Variants in SLC25A35 observed in about 807,000 individuals in gnomAD.
SLC25A35 encodes the protein solute carrier family 25 member 35.
A neutral mutation model predicts 30.5 loss-of-function variants in SLC25A35; 32 were observed. The ratio of observed to expected loss-of-function variants is 1.05; its 90% CI spans 0.79 to 1.41. The LOEUF (loss-of-function observed/expected upper bound fraction) is 1.41, where lower values mean the gene tolerates loss of function less well. SLC25A35 is among the 40% of genes most tolerant of loss of function. The pLI is 0.00. For synonymous variants in SLC25A35, 142 were observed against 158.1 expected, an observed-to-expected ratio of 0.90 and a Z score of 0.77; for missense variants, 369 against 388.0, an observed-to-expected ratio of 0.95 and a Z score of 0.41.
rs1212699776 is a variant in SLC25A35 at position 8,294,636 on chromosome 17, C to T, written c.172G>A (p.Gly58Ser). 5.6e-6 allele frequency: 9 copies of T among 1,614,072 alleles called. No homozygotes were observed. Among genetic ancestry groups the T allele is most frequent in the Non-Finnish European group, 7.6e-6 (9 of 1,180,046 alleles). ...AGGCCTTTCTGCAGGGCAGCAAGGCCATCCACCTTGCCGATGGTGATGAAG... is the reference window on the plus strand; with the variant it reads ...AGGCCTTTCTGCAGGGCAGCAAGGCTATCCACCTTGCCGATGGTGATGAAG... The part of the protein sequence containing the change: ...HAFITIGKVD[G>S]LAALQKGLAP... The change falls in exon 1 of 5, where the codon GGC becomes AGC. Residue 58 changes from glycine (G) to serine (S), a missense_variant. By Grantham distance (56) the Gly-to-Ser change is moderately conservative. Coordinates refer to ENST00000577745, the MANE Select transcript of SLC25A35 (RefSeq NM_001320870.2).
chr17:8,288,787 C>A (rs141507740), downstream of SLC25A35: 4 of 1,614,058 alleles, frequency 2.5e-6, no homozygotes, highest in Middle Eastern at 1.6e-4. Flanking sequence ...AGCCTCAGAC[C>A]CATGGAGCCC....
At chr17:8,289,352 G>T, downstream of SLC25A35, 1 of 1,614,130 alleles carries the variant, frequency 6.2e-7, no homozygotes, top group Non-Finnish European at 8.5e-7. Context: ...GGCCCTGAGG[G>T]GCCGCTGTCA....
chr17:8,288,556 A>C (rs536862528), downstream of SLC25A35: 118 of 603,910 alleles, frequency 2.0e-4, no homozygotes, highest in African/African-American at 2.1e-3. Context: ...CCGTCCCGCC[A>C]GGCGCACTCC....
chr17:8,289,841 G>A (rs552055941), downstream of SLC25A35: 75 of 1,614,068 alleles, frequency 4.6e-5, 1 homozygote, highest in South Asian at 6.3e-4. Context: ...TCTTGGCCCC[G>A]AAAATCTGTC....
At chr17:8,288,972 C>A, downstream of SLC25A35, 1 of 1,614,140 alleles carries the variant, frequency 6.2e-7, no homozygotes, top group African/African-American at 1.3e-5. Flanking sequence ...CCGACCGGTC[C>A]CGGACAATCA....
chr17:8,289,412 C>T (rs1463109860), downstream of SLC25A35: 3 of 1,613,898 alleles, frequency 1.9e-6, no homozygotes, highest in Non-Finnish European at 2.5e-6. Flanking sequence ...GGAAAACCAG[C>T]AGGTGAGGGC....
At chr17:8,292,291 G>A (rs1034728666) in intron 2 of SLC25A35, among the ~76,000 whole-genome samples, 2 of 152,200 alleles carry the variant, frequency 1.3e-5, no homozygotes, top group Non-Finnish European at 2.9e-5. Context: ...CCCGGGAAGC[G>A]GAGGTTGCAG....
At chr17:8,289,838 C>T (rs763547107), downstream of SLC25A35, 10 of 1,614,096 alleles carry the variant, frequency 6.2e-6, no homozygotes, top group South Asian at 5.5e-5. Flanking sequence ...ATCTCTTGGC[C>T]CCGAAAATCT....
At chr17:8,293,455 C>G (rs181693542) in intron 1 of SLC25A35, among the ~76,000 whole-genome samples, 1 of 152,174 alleles carries the variant, frequency 6.6e-6, no homozygotes, top group Non-Finnish European at 1.5e-5. Context: ...TTGTCTCCCT[C>G]GATCCTCCCA....
At chr17:8,288,503 G>A (rs1485827630), downstream of SLC25A35, 3 of 517,950 alleles carry the variant, frequency 5.8e-6, no homozygotes, top group Non-Finnish European at 1.1e-5. Context: ...CACCGGGGGC[G>A]ACATAGACCC....
At chr17:8,292,676 A>AG in intron 1 of SLC25A35, 88 bp from the exon 2 acceptor site, 1 of 1,137,178 alleles carries the variant, frequency 8.8e-7, no homozygotes, top group Non-Finnish European at 1.3e-6. Context: ...CACTTCCTCT[A>AG]GGGTGTTCAG....
At position 8,292,595 on chromosome 17, in the gene SLC25A35, A is replaced by G. The variant is rs1181604424; in HGVS notation, c.376-7T>C. ...CCTGCAGGTGTGTCTTCACCTGGGA[A>G]CAAGAGAATATCATAGCCTGTGCCC... On this transcript the variant is annotated splice_region_variant and splice_polypyrimidine_tract_variant and intron_variant, in intron 1 of 4. Coordinates refer to ENST00000577745, the MANE Select transcript of SLC25A35 (RefSeq NM_001320870.2). 6.2e-7 allele frequency: 1 copy of G among 1,613,940 alleles called. No individual in the cohort carries two copies. The highest frequency in any genetic ancestry group is 8.5e-7 in the Non-Finnish European group (1 of 1,179,868).
Position 8,290,865 on chromosome 17 carries a change from G to T in SLC25A35, c.706C>A (p.Gln236Lys). The T allele has an allele frequency of 6.2e-7, 1 of 1,614,048 alleles. No individual in the cohort carries two copies. Among genetic ancestry groups the T allele is most frequent in the South Asian group, 1.1e-5 (1 of 91,086 alleles). ...ACCTTGCCCTGTGCATCTGTGGGCTGGTTGTAGAGCCTTGTGCAGGCCACA... is the reference window on the plus strand; with the variant it reads ...ACCTTGCCCTGTGCATCTGTGGGCTTGTTGTAGAGCCTTGTGCAGGCCACA... Reference protein sequence around the residue: ...FDVACTRLYNQPTDAQGKGLM... With the variant: ...FDVACTRLYNKPTDAQGKGLM... The change falls in exon 4 of 5, where the codon CAG (glutamine) becomes AAG (lysine). Residue 236 changes from glutamine (Q) to lysine (K), a missense_variant. By Grantham distance (53) the Gln-to-Lys change is moderately conservative. Transcript: ENST00000577745.
downstream of SLC25A35, chr17:8,289,141 G>A (rs1027901416): frequency 3.7e-6 from 6 of 1,602,504 alleles, no homozygotes; most frequent in African/African-American, 4.0e-5. Context: ...GCCCGCGGCC[G>A]ACGGTTAATC....
Position 8,290,987 on chromosome 17 carries a change from A to T in SLC25A35, c.595-11T>A. On this transcript the variant is annotated splice_polypyrimidine_tract_variant and intron_variant, in intron 3 of 4. Coordinates refer to ENST00000577745, the MANE Select transcript of SLC25A35 (RefSeq NM_001320870.2). The stretch of plus-strand genomic sequence containing the variant: ...CTGGGGAGGAAAGATCTAAGGGGGT[A>T]GAGAGGAAGAGCGTTGTCAACCAGC... 6.2e-7 allele frequency: 1 copy of T among 1,613,912 alleles called. No individual in the cohort carries two copies. Among genetic ancestry groups the T allele is most frequent in the Non-Finnish European group, 8.5e-7 (1 of 1,179,914 alleles).
rs370136741 is a variant in SLC25A35 at position 8,294,413 on chromosome 17, G to A, written c.375+20C>T. The A allele has an allele frequency of 2.6e-6, 4 of 1,542,014 alleles. No individual in the cohort carries two copies. Among genetic ancestry groups the A allele is most frequent in the Non-Finnish European group, 3.5e-6 (4 of 1,146,812 alleles). On this transcript the variant is annotated intron_variant, in intron 1 of 4. Coordinates refer to ENST00000577745, the MANE Select transcript of SLC25A35 (RefSeq NM_001320870.2). ...ACGAGGATCTGCCCTGAAGGTCCCA[G>A]GCAAGAGCCCTCTTCTTACCATGTA...
Position 8,290,399 on chromosome 17 carries a change from C to A in SLC25A35, c.*106G>T. 1.4e-6 allele frequency: 2 copies of A among 1,476,974 alleles called. No individual in the cohort carries two copies. Among genetic ancestry groups the A allele is most frequent in the Non-Finnish European group, 1.8e-6 (2 of 1,116,092 alleles). 91.5% of individuals were successfully genotyped at this position (1,476,974 alleles called of 1,614,324 possible). On this transcript the variant is annotated 3_prime_UTR_variant, in exon 5 of 5. Transcript: ENST00000577745. Reference sequence around the variant, plus strand: ...AGATGGGGAGTGGGGTTGGCTGTCCCCCATGGATGGATGAAAGGTCACCTA... The same window carrying A: ...AGATGGGGAGTGGGGTTGGCTGTCCACCATGGATGGATGAAAGGTCACCTA...
intron 3 of SLC25A35, 39 bp from the exon 4 acceptor site, chr17:8,291,015 A>G: frequency 5.6e-6 from 9 of 1,612,296 alleles, no homozygotes; most frequent in Non-Finnish European, 7.6e-6. Flanking sequence ...CAACCAGCCA[A>G]CTATTACACC....
chr17:8,288,799 C>G (rs1236530787), downstream of SLC25A35: 12 of 1,614,114 alleles, frequency 7.4e-6, no homozygotes, highest in Middle Eastern at 4.9e-4. Flanking sequence ...ATGGAGCCCA[C>G]GAGAGACTGC....
Sources: gnomAD v4.1 joint callset for allele counts (sites outside exome capture counted in the v4.1 genomes callset) on GRCh38, gnomAD v4.1.1 for gene constraint, MANE v1.5 for transcripts, NCBI Gene and HGNC (gene_info 2026-07-23, HGNC 2026-07-21) for gene names.